The following KANK2 variants were observed in gnomAD, a reference collection of about 807,000 sequenced individuals.
KANK2 encodes the protein KN motif and ankyrin repeat domains 2, also known as KN motif and ankyrin repeat domain-containing protein 2.
Under a neutral mutation model 74.6 loss-of-function variants are expected in KANK2, and 41 were observed. The observed-to-expected ratio is 0.55, with a 90% confidence interval of 0.43 to 0.71. The LOEUF (loss-of-function observed/expected upper bound fraction) is 0.71. Ranked by LOEUF, KANK2 falls within the 30% of genes least tolerant of loss-of-function variation. The pLI is 0.00. For synonymous variants in KANK2, 537 were observed against 519.0 expected (o/e 1.03, Z -0.47); for missense variants, 1,148 against 1,196.4 (o/e 0.96, Z 0.60).
Position 11,170,386 on chromosome 19 carries a change from A to C in KANK2, c.2212-138T>G. 6.1e-6 allele frequency: 4 copies of C among 656,748 alleles called. No individual in the cohort carries two copies. The highest frequency in any genetic ancestry group is 1.9e-5 in the South Asian group (1 of 53,178). The allele number at this position is 656,748 out of a possible 1,614,324, so 40.7% of individuals were successfully genotyped here. ...ACTTGCTGATCTCCTCCTGAATCTC[A>C]AACAACCCTCCCGTCACCAGGGGAG... On this transcript the variant is annotated intron_variant, in intron 10 of 12. Transcript: ENST00000586659. This position sits in a 1 kb window ranked among gnomAD's most constrained non-coding sequence, Gnocchi z 5.2.
In KANK2 at chr19:11,166,479, G is replaced by T; in HGVS notation, c.*79C>A. 1 of 1,350,568 alleles carries T rather than the reference G, an allele frequency of 7.4e-7. No homozygotes were observed. Among genetic ancestry groups the T allele is most frequent in the Non-Finnish European group, 1.1e-6 (1 of 942,290 alleles). 83.7% of individuals were successfully genotyped at this position (1,350,568 alleles called of 1,614,324 possible). ...TGGGGAGTGTGAGTGGGGTGGGCCA[G>T]GGAGGAACGGGAACAGGGAGGAGAC... On this transcript the variant is annotated 3_prime_UTR_variant, in exon 13 of 13. Coordinates refer to ENST00000586659, the MANE Select transcript of KANK2 (RefSeq NM_001136191.3).
chr19:11,177,944 T>A (rs1816602044), intron 6 of KANK2, among the ~76,000 whole-genome samples: 1 of 152,098 alleles, frequency 6.6e-6, no homozygotes, highest in South Asian at 2.1e-4. Context: ...CTTCTGGGAC[T>A]CCCCTAGGGC....
chr19:11,170,356 C>T lies in KANK2; in HGVS notation c.2212-108G>A, dbSNP rs1174804970. The T allele has an allele frequency of 1.2e-6, 1 of 811,374 alleles. No homozygotes were observed. The highest frequency in any genetic ancestry group is 2.6e-5 in the East Asian group (1 of 37,890). 50.3% of individuals were successfully genotyped at this position (811,374 alleles called of 1,614,324 possible). A position where few individuals can be genotyped will look rare whatever the true frequency, so the allele number is the denominator to read the frequency against. On this transcript the variant is annotated intron_variant, in intron 10 of 12. Coordinates refer to ENST00000586659, the MANE Select transcript of KANK2 (RefSeq NM_001136191.3). This position sits in a 1 kb window ranked among gnomAD's most constrained non-coding sequence, Gnocchi z 5.2. ...CACATACTCTGATGGTGAAATGTAC[C>T]CTCAACTTGCTGATCTCCTCCTGAA...
intron 5 of KANK2, 41 bp downstream of exon 5, chr19:11,178,512 T>A: frequency 1.9e-6 from 3 of 1,602,192 alleles, no homozygotes; most frequent in Non-Finnish European, 2.6e-6. Flanking sequence ...ACTGGCGCCA[T>A]CCCGGTGCCC....
intron 4 of KANK2, among the ~76,000 whole-genome samples, chr19:11,188,272 G>A (rs901865714): frequency 1.1e-4 from 16 of 151,592 alleles, no homozygotes; most frequent in African/African-American, 3.4e-4. Flanking sequence ...GCAGCAATGC[G>A]AGCTCAGCTC....
intron 4 of KANK2, among the ~76,000 whole-genome samples, chr19:11,191,848 A>G (rs1362222234): frequency 6.6e-6 from 1 of 152,204 alleles, no homozygotes; most frequent in Non-Finnish European, 1.5e-5. Context: ...ATTTGAGCCC[A>G]GAAGTTTGAG....
At chr19:11,196,119 C>G (rs1216822924) in intron 1 of KANK2, 1 of 149,576 alleles carries the variant, frequency 6.7e-6, no homozygotes, top group Non-Finnish European at 1.4e-5. Flanking sequence ...AGTGCAATGG[C>G]GCGATCTCAG....
chr19:11,173,489 T>C (rs909817465), intron 9 of KANK2, among the ~76,000 whole-genome samples: 2 of 151,886 alleles, frequency 1.3e-5, no homozygotes, highest in Non-Finnish European at 2.9e-5. Context: ...TCTCCCCCAG[T>C]AGGAGAGGGA....
At chr19:11,185,626 T>G (rs556168991) in intron 4 of KANK2, among the ~76,000 whole-genome samples, 1 of 150,354 alleles carries the variant, frequency 6.7e-6, no homozygotes, top group Non-Finnish European at 1.5e-5. Flanking sequence ...TACCAGCAAC[T>G]TCTAAAAACT....
intron 4 of KANK2, among the ~76,000 whole-genome samples, chr19:11,184,644 G>A (rs1404158770): frequency 3.4e-5 from 5 of 147,906 alleles, no homozygotes; most frequent in African/African-American, 1.2e-4. Context: ...CAATAAGTTT[G>A]AATTTCACAT....
In KANK2 at chr19:11,174,541, C is replaced by T. The variant is rs1369519507; in HGVS notation, c.2000G>A (p.Gly667Asp). Residue 667 changes from glycine (G) to aspartate (D), a missense_variant, in exon 9 of 13, where the codon GGC (glycine) becomes GAC (aspartate). Transcript: ENST00000586659. ...DYVVNIADSN[G>D]NTALHYSVSH... ...CACGGAGTAGTGCAGGGCTGTGTTG[C>T]CGTTGCTGTCGGCGATGTTGACCAC... 6.2e-7 allele frequency: 1 copy of T among 1,613,674 alleles called. No individual in the cohort carries two copies. The highest frequency in any genetic ancestry group is 1.7e-5 in the Admixed American group (1 of 59,950).
At chr19:11,171,975 AT>A (rs1359232623) in intron 10 of KANK2, among the ~76,000 whole-genome samples, 320 of 115,106 alleles carry the variant, frequency 2.8e-3, no homozygotes, top group Middle Eastern at 7.8e-3. Flanking sequence ...CACCCGGCTA[AT>A]TTTTTTTTTT....
chr19:11,172,729 G>A (rs1438055686), intron 10 of KANK2, among the ~76,000 whole-genome samples: 4 of 152,078 alleles, frequency 2.6e-5, no homozygotes, highest in African/African-American at 7.2e-5. Context: ...CCCAGTTTTC[G>A]GCCCAGGGAA....
At chr19:11,171,027 G>A (rs1381365321) in intron 10 of KANK2, among the ~76,000 whole-genome samples, 1 of 152,080 alleles carries the variant, frequency 6.6e-6, no homozygotes, top group African/African-American at 2.4e-5. Context: ...TCACCATGTT[G>A]GCCAGGATGG....
chr19:11,174,860 T>C (rs1021605855), intron 8 of KANK2, among the ~76,000 whole-genome samples, 168 bp from the exon 9 acceptor site: 9 of 151,856 alleles, frequency 5.9e-5, no homozygotes, highest in Non-Finnish European at 1.0e-4. Context: ...TCTGTCCCAA[T>C]AAGACCCTTG....
chr19:11,175,794 TC>T lies in KANK2; in HGVS notation c.1848+107del. ...CATGCTCTGGGCTTCAGTGTCAGGG[TC>T]CCCACTAGGCAGGAGCAGGAAGTCA... On this transcript the variant is annotated intron_variant, in intron 8 of 12. Coordinates refer to ENST00000586659, the MANE Select transcript of KANK2 (RefSeq NM_001136191.3). 7 of 713,604 alleles carry T rather than the reference TC, an allele frequency of 9.8e-6. No homozygotes were observed. The South Asian group carries it at 1.3e-4, about 14-fold the overall frequency. The allele number at this position is 713,604 out of a possible 1,614,324, so 44.2% of individuals were successfully genotyped here.
chr19:11,175,828 T>G, intron 8 of KANK2, 74 bp downstream of exon 8: 1 of 1,052,874 alleles, frequency 9.5e-7, no homozygotes, highest in Middle Eastern at 2.9e-4. Flanking sequence ...TCACTGAGGA[T>G]GAGGAGAGGC....
At position 11,176,748 on chromosome 19, in the gene KANK2, C is replaced by A. The variant is rs1214018688; in HGVS notation, c.1590G>T (p.Glu530Asp). ...GAACCCTCTCCCTCGGCTCTGGGGC[C>A]TCGTTCTCTGTGCTGTCGTTGTCTG... is the stretch of plus-strand genomic sequence containing the variant. Reference protein sequence around the residue: ...NISDNDSTENEAPEPRERVPS... With the variant: ...NISDNDSTENDAPEPRERVPS... The change falls in exon 7 of 13, where the codon GAG (glutamate) becomes GAT (aspartate). Residue 530 changes from glutamate (E) to aspartate (D), a missense_variant. Transcript: ENST00000586659. The A allele has an allele frequency of 1.2e-6, 2 of 1,606,866 alleles. No homozygotes were observed. The highest frequency in any genetic ancestry group is 8.5e-7 in the Non-Finnish European group (1 of 1,175,950).
intron 6 of KANK2, among the ~76,000 whole-genome samples, chr19:11,178,081 T>G (rs2078395803): frequency 6.6e-6 from 1 of 152,116 alleles, no homozygotes; most frequent in Non-Finnish European, 1.5e-5. Flanking sequence ...GTCCGGCACC[T>G]TCTGTGGGGT....
Sources: allele counts gnomAD v4.1 joint callset (sites outside exome capture counted in the v4.1 genomes callset), GRCh38; gene constraint gnomAD v4.1.1; non-coding constraint Gnocchi (gnomAD v3.1); transcripts MANE v1.5; gene names NCBI Gene and HGNC (gene_info 2026-07-23, HGNC 2026-07-21).